PPP1R1C: variants seen among roughly 807,000 people sequenced by gnomAD.
PPP1R1C encodes the protein protein phosphatase 1 regulatory subunit 1C.
PPP1R1C carries 15 observed loss-of-function variants against 17.4 expected under a neutral mutation model. The observed-to-expected ratio is 0.86, with a 90% confidence interval of 0.58 to 1.33. PPP1R1C has a LOEUF of 1.33. PPP1R1C is among the 40% of genes most tolerant of loss of function. The probability of loss-of-function intolerance (pLI) is 0.00; values close to 1 mark genes in which losing one functional copy is unlikely to be tolerated. For missense variants in PPP1R1C, 143 were observed against 130.0 expected (o/e 1.10, Z -0.48); for synonymous variants, 35 against 43.1 (o/e 0.81, Z 0.73).
chr2:181,965,950 G>A (rs1301927936), intron 1 of PPP1R1C, among the ~76,000 whole-genome samples: 1 of 151,958 alleles, frequency 6.6e-6, no homozygotes, highest in Non-Finnish European at 1.5e-5. Context: ...AAATATTTTT[G>A]CACTCTTTCA....
At chr2:182,069,297 G>A (rs1688075339) in intron 4 of PPP1R1C, among the ~76,000 whole-genome samples, 1 of 149,988 alleles carries the variant, frequency 6.7e-6, no homozygotes, top group Admixed American at 6.7e-5. Context: ...TTAAACCCAA[G>A]TATGCTCCTA....
At chr2:182,004,466 G>A (rs1685856778) in intron 2 of PPP1R1C, among the ~76,000 whole-genome samples, 2 of 152,182 alleles carry the variant, frequency 1.3e-5, no homozygotes, top group African/African-American at 2.4e-5. Flanking sequence ...CAATGATAGG[G>A]AGGGTAAGGA....
chr2:182,006,869 T>C (rs1397782417), intron 2 of PPP1R1C, among the ~76,000 whole-genome samples: 1 of 152,210 alleles, frequency 6.6e-6, no homozygotes, highest in Non-Finnish European at 1.5e-5. Flanking sequence ...TGCCTTCTTA[T>C]TGCTTGTTGA....
At chr2:182,102,508 T>A (rs1323417521) in intron 4 of PPP1R1C, among the ~76,000 whole-genome samples, 1 of 152,158 alleles carries the variant, frequency 6.6e-6, no homozygotes, top group Admixed American at 6.5e-5. Context: ...AATAAAAGAA[T>A]AAATATCCAA....
Position 182,103,098 on chromosome 2 carries a change from C to T in PPP1R1C, c.242-14109C>T, listed in dbSNP as rs1023364282. Among the ~76,000 whole-genome samples, 8 of 152,276 alleles carry T rather than the reference C, an allele frequency of 5.3e-5. No homozygotes were observed. The South Asian group carries it at 1.2e-3, about 24-fold the overall frequency. On this transcript the variant is annotated intron_variant, in intron 4 of 4. Transcript: ENST00000682840. ...GGATTACAGGTGTGAGCCCCGCTTC[C>T]GGCCAAGCCGTGATCTTAAAGCAAT...
intron 4 of PPP1R1C, among the ~76,000 whole-genome samples, chr2:182,102,395 C>T (rs1689123532): frequency 6.6e-6 from 1 of 152,160 alleles, no homozygotes; most frequent in African/African-American, 2.4e-5. Flanking sequence ...TCAGAAATAA[C>T]AGTGCCGCAC....
intron 2 of PPP1R1C, among the ~76,000 whole-genome samples, chr2:182,041,713 G>C (rs1010596400): frequency 2.7e-5 from 4 of 149,888 alleles, no homozygotes; most frequent in African/African-American, 9.8e-5. Flanking sequence ...AATAAGAAAA[G>C]AAAAGCAAAA....
intron 2 of PPP1R1C, among the ~76,000 whole-genome samples, chr2:182,005,102 G>C (rs1423717351): frequency 1.3e-5 from 2 of 152,076 alleles, no homozygotes; most frequent in African/African-American, 4.8e-5. Context: ...TTTAGAGTAA[G>C]CACAATGTGC....
chr2:182,098,633 G>C (rs1559092366), intron 4 of PPP1R1C, among the ~76,000 whole-genome samples: 1 of 151,554 alleles, frequency 6.6e-6, no homozygotes, highest in African/African-American at 2.4e-5. Flanking sequence ...ATATTTTCTA[G>C]AAAAAAAATC....
chr2:181,974,140 TA>T (rs970101003), intron 1 of PPP1R1C, among the ~76,000 whole-genome samples: 10 of 151,716 alleles, frequency 6.6e-5, no homozygotes, highest in East Asian at 3.9e-4. Flanking sequence ...GACTTTAAGG[TA>T]AAAAAAAGTC....
chr2:182,053,424 T>C (rs1687585112), intron 2 of PPP1R1C, among the ~76,000 whole-genome samples: 1 of 152,218 alleles, frequency 6.6e-6, no homozygotes, highest in African/African-American at 2.4e-5. Flanking sequence ...TGTCTGAAAA[T>C]GGCTGTATTT....
chr2:182,065,086 G>A (rs1687949534), intron 4 of PPP1R1C, among the ~76,000 whole-genome samples: 1 of 151,984 alleles, frequency 6.6e-6, no homozygotes, highest in Non-Finnish European at 1.5e-5. Flanking sequence ...AAGAATGTGG[G>A]ATCATAACAT....
chr2:182,035,783 G>A lies in PPP1R1C; in HGVS notation c.143-25659G>A, dbSNP rs1686986083. 2.6e-5 allele frequency among the ~76,000 whole-genome samples: 4 copies of A among 152,174 alleles called. No individual in the cohort carries two copies. The South Asian group carries it at 8.3e-4, about 31-fold the overall frequency. On this transcript the variant is annotated intron_variant, in intron 2 of 4. Transcript: ENST00000682840. ...TCCTGTGCAGCCTATGGAACTGTGA[G>A]TCAATTAAACCTCTCTTCTTTATAA... is the stretch of plus-strand genomic sequence containing the variant.
At chr2:181,956,211 T>C (rs897025615) in intron 1 of PPP1R1C, among the ~76,000 whole-genome samples, 1 of 152,160 alleles carries the variant, frequency 6.6e-6, no homozygotes, top group Non-Finnish European at 1.5e-5. Flanking sequence ...ATCCATGTCC[T>C]TGCAAAGGAC....
chr2:182,032,007 A>G (rs1449937790), intron 2 of PPP1R1C, among the ~76,000 whole-genome samples: 1 of 152,202 alleles, frequency 6.6e-6, no homozygotes, highest in Non-Finnish European at 1.5e-5. Context: ...GGGAAGTCCT[A>G]TGGGTATCAG....
At chr2:181,986,728 C>T (rs900850170) in intron 1 of PPP1R1C, among the ~76,000 whole-genome samples, 4 of 152,022 alleles carry the variant, frequency 2.6e-5, no homozygotes, top group South Asian at 2.1e-4. Flanking sequence ...GTTTTAAAAT[C>T]GTTTTGTTCA....
chr2:182,100,879 C>T (rs1328155582), intron 4 of PPP1R1C, among the ~76,000 whole-genome samples: 3 of 152,156 alleles, frequency 2.0e-5, no homozygotes, highest in African/African-American at 4.8e-5. Flanking sequence ...GAGGAAGGAT[C>T]GCGATTGTCC....
chr2:182,092,068 A>G (rs759149448), intron 4 of PPP1R1C, among the ~76,000 whole-genome samples: 4 of 152,210 alleles, frequency 2.6e-5, no homozygotes, highest in Non-Finnish European at 5.9e-5. Flanking sequence ...AGGAATAATT[A>G]AGCTGCATGG....
At chr2:181,973,229 T>TA (rs1234629895) in intron 1 of PPP1R1C, among the ~76,000 whole-genome samples, 2 of 152,182 alleles carry the variant, frequency 1.3e-5, no homozygotes, top group Admixed American at 1.3e-4. Context: ...TTCATGTTCT[T>TA]ACCGAGACAT....
Sources: allele counts gnomAD v4.1 joint callset (sites outside exome capture counted in the v4.1 genomes callset), GRCh38; gene constraint gnomAD v4.1.1; transcripts MANE v1.5; gene names NCBI Gene and HGNC (gene_info 2026-07-23, HGNC 2026-07-21).